Variants in MYO1E observed in about 807,000 individuals in gnomAD.
MYO1E encodes unconventional myosin-Ie.
In MYO1E, 68 loss-of-function variants were observed where a neutral mutation model predicts 151.1. That is an observed-to-expected ratio of 0.45 (90% CI 0.37 to 0.55). The LOEUF is 0.55. Among genes scored for constraint, MYO1E ranks in the 20% least tolerant of loss-of-function variants. MYO1E has a pLI of 0.00. For missense variants in MYO1E, 1,363 were observed against 1,389.3 expected (o/e 0.98, Z 0.30); for synonymous variants, 601 against 501.7 (o/e 1.20, Z -2.64).
intron 2 of MYO1E, among the ~76,000 whole-genome samples, chr15:59,267,922 G>C (rs1268602524): frequency 6.6e-6 from 1 of 152,146 alleles, no homozygotes; most frequent in African/African-American, 2.4e-5. Context: ...CATTTTCTAA[G>C]TGGATTTTTT....
At chr15:59,211,597 A>G (rs1486142753) in intron 12 of MYO1E, among the ~76,000 whole-genome samples, 1 of 152,092 alleles carries the variant, frequency 6.6e-6, no homozygotes, top group Admixed American at 6.6e-5. Flanking sequence ...TGGATGTATG[A>G]TAGGCCTCTC....
intron 22 of MYO1E, among the ~76,000 whole-genome samples, chr15:59,163,623 T>C (rs1416006208): frequency 2.0e-5 from 3 of 152,222 alleles, no homozygotes; most frequent in Non-Finnish European, 4.4e-5. Context: ...CAACTTGTGT[T>C]TTTAAGATCA....
At chr15:59,329,879 C>T (rs1300697781) in intron 1 of MYO1E, among the ~76,000 whole-genome samples, 5 of 152,124 alleles carry the variant, frequency 3.3e-5, no homozygotes, top group Non-Finnish European at 5.9e-5. Flanking sequence ...TGACTGTAAA[C>T]GAATATTATT....
At position 59,188,591 on chromosome 15, in the gene MYO1E, G is replaced by T. The variant is rs557616422; in HGVS notation, c.1806-375C>A. On this transcript the variant is annotated intron_variant, in intron 17 of 27. Transcript: ENST00000288235. ...CGCACCTGTAGTCCCAGCTACTCGGGAGGCTGAGGCAGGAAAATCGCTTGA... is the reference window on the plus strand; with the variant it reads ...CGCACCTGTAGTCCCAGCTACTCGGTAGGCTGAGGCAGGAAAATCGCTTGA... Among the ~76,000 whole-genome samples the T allele has an allele frequency of 2.0e-5, 3 of 152,270 alleles. No individual in the cohort carries two copies. In the South Asian group the frequency reaches 6.2e-4, roughly 32 times the overall value.
Position 59,216,685 on chromosome 15 carries a change from TACACATACACACACACAC to T in MYO1E, c.1107+1188_1107+1205del, listed in dbSNP as rs2079920170. ...GTATGTGTATATATATATATATATA[TACACATACACACACACAC>T]ACACACACACACACACACACATAAT... is the stretch of plus-strand genomic sequence containing the variant. On this transcript the variant is annotated intron_variant, in intron 10 of 27. Coordinates refer to ENST00000288235, the MANE Select transcript of MYO1E (RefSeq NM_004998.4). Among the ~76,000 whole-genome samples, 12 of 38,656 alleles carry T rather than the reference TACACATACACACACACAC, an allele frequency of 3.1e-4. 1 individual carries two copies. Among genetic ancestry groups the T allele is most frequent in the African/African-American group, 8.2e-4 (10 of 12,200 alleles). The allele number at this position is 38,656 out of a possible 152,430, so 25.4% of individuals were successfully genotyped here.
At position 59,261,516 on chromosome 15, in the gene MYO1E, T is replaced by C. The variant is rs746215006; in HGVS notation, c.148-7A>G. 1 of 1,539,840 alleles carries C rather than the reference T, an allele frequency of 6.5e-7. No homozygotes were observed. The highest frequency in any genetic ancestry group is 9.0e-7 in the Non-Finnish European group (1 of 1,112,926). Reference sequence around the variant, plus strand: ...ATACAGATCCTATATATGTCTGAATTTAACTCAGTTAAGGTCCATCATTAA... The same window carrying C: ...ATACAGATCCTATATATGTCTGAATCTAACTCAGTTAAGGTCCATCATTAA... On this transcript the variant is annotated splice_region_variant and splice_polypyrimidine_tract_variant and intron_variant, in intron 2 of 27. Coordinates refer to ENST00000288235, the MANE Select transcript of MYO1E (RefSeq NM_004998.4).
chr15:59,282,010 T>G (rs1270674735), intron 1 of MYO1E, among the ~76,000 whole-genome samples: 2 of 151,596 alleles, frequency 1.3e-5, no homozygotes, highest in African/African-American at 4.8e-5. Flanking sequence ...AATACACCAG[T>G]GTGGGGTTGT....
intron 17 of MYO1E, among the ~76,000 whole-genome samples, chr15:59,192,737 C>G (rs1252494668): frequency 2.0e-5 from 3 of 152,184 alleles, no homozygotes; most frequent in Non-Finnish European, 4.4e-5. Flanking sequence ...ACCTCTGCTT[C>G]CAAGACTCTC....
chr15:59,366,242 G>C (rs1362689175), intron 1 of MYO1E, among the ~76,000 whole-genome samples: 1 of 151,952 alleles, frequency 6.6e-6, no homozygotes, highest in East Asian at 1.9e-4. Context: ...GCCCCCCAAA[G>C]TGCTGGGATT....
At chr15:59,218,752 T>G (rs1443249568) in intron 9 of MYO1E, among the ~76,000 whole-genome samples, 3 of 152,186 alleles carry the variant, frequency 2.0e-5, no homozygotes, top group African/African-American at 7.2e-5. Context: ...CAGGAAGATA[T>G]TACTACTTGC....
In MYO1E at chr15:59,135,373, C is replaced by G. The variant is rs979697565; in HGVS notation, c.*2007G>C. 2.0e-5 allele frequency: 3 copies of G among 152,220 alleles called. No homozygotes were observed. Among genetic ancestry groups the G allele is most frequent in the Non-Finnish European group, 4.4e-5 (3 of 68,040 alleles). 9.4% of individuals were successfully genotyped at this position (152,220 alleles called of 1,614,324 possible). On this transcript the variant is annotated 3_prime_UTR_variant, in exon 28 of 28. Coordinates refer to ENST00000288235, the MANE Select transcript of MYO1E (RefSeq NM_004998.4). The stretch of plus-strand genomic sequence containing the variant: ...CTTATGATAACAAGGGAAGATGGTC[C>G]TGGTGTTCCTGCCCTGAGAACGCAG...
At chr15:59,291,722 AG>A (rs2080420708) in intron 1 of MYO1E, among the ~76,000 whole-genome samples, 1 of 141,116 alleles carries the variant, frequency 7.1e-6, no homozygotes, top group Non-Finnish European at 1.5e-5. Flanking sequence ...AGAGAGAGAG[AG>A]AGAGAAAACA....
intron 2 of MYO1E, among the ~76,000 whole-genome samples, chr15:59,263,450 C>T (rs1165424174): frequency 2.0e-5 from 3 of 152,090 alleles, no homozygotes; most frequent in Non-Finnish European, 4.4e-5. Context: ...GCTTAACATG[C>T]CAGGTGCTGT....
chr15:59,168,229 T>C (rs1046233767), intron 22 of MYO1E, among the ~76,000 whole-genome samples: 2 of 152,156 alleles, frequency 1.3e-5, no homozygotes, highest in Admixed American at 1.3e-4. Context: ...CATTTTATTA[T>C]GGAAAATTCT....
rs553689837 is a variant in MYO1E at position 59,300,861 on chromosome 15, T to A, written c.4-28412A>T. On this transcript the variant is annotated intron_variant, in intron 1 of 27. Coordinates refer to ENST00000288235, the MANE Select transcript of MYO1E (RefSeq NM_004998.4). Reference sequence around the variant, plus strand: ...TTGTATATCTTTCTTTTTTTCCTTTTTTTTCTTTTTTTTTTTTTTTTTTTG... The same window carrying A: ...TTGTATATCTTTCTTTTTTTCCTTTATTTTCTTTTTTTTTTTTTTTTTTTG... 4.7e-4 allele frequency among the ~76,000 whole-genome samples: 69 copies of A among 145,452 alleles called. No homozygotes were observed. In the East Asian group the frequency reaches 0.012, roughly 26 times the overall value.
At chr15:59,154,002 G>A (rs115797908) in intron 25 of MYO1E, among the ~76,000 whole-genome samples, 317 of 152,246 alleles carry the variant, frequency 2.1e-3, no homozygotes, top group African/African-American at 7.2e-3. Context: ...GCTTTACTGA[G>A]GTATAACTGA....
chr15:59,324,312 A>G (rs2080648500), intron 1 of MYO1E, among the ~76,000 whole-genome samples: 1 of 152,196 alleles, frequency 6.6e-6, no homozygotes, highest in Non-Finnish European at 1.5e-5. Context: ...TTAAAAAAAA[A>G]GGGAGAATAT....
chr15:59,272,296 T>C lies in MYO1E; in HGVS notation c.147+10A>G. On this transcript the variant is annotated intron_variant, in intron 2 of 27. Transcript: ENST00000288235. ...ACTTAGAAATGTCCAAAGCAGCCAA[T>C]AAAGGATACAAAAATGTAGTCATCC... The C allele has an allele frequency of 1.9e-6, 3 of 1,613,816 alleles. No individual in the cohort carries two copies. The highest frequency in any genetic ancestry group is 1.1e-5 in the South Asian group (1 of 91,072).
chr15:59,220,925 T>TAAAAAAAAAAA (rs59578227), intron 9 of MYO1E, among the ~76,000 whole-genome samples: 1 of 77,930 alleles, frequency 1.3e-5, no homozygotes, highest in African/African-American at 4.8e-5. Flanking sequence ...CCCCATCTCT[T>TAAAAAAAAAAA]AAAAAAAAAA....
Sources: gnomAD v4.1 joint callset for allele counts (sites outside exome capture counted in the v4.1 genomes callset) on GRCh38, gnomAD v4.1.1 for gene constraint, MANE v1.5 for transcripts, NCBI Gene and HGNC (gene_info 2026-07-23, HGNC 2026-07-21) for gene names.